The following ANO10 variants were observed in gnomAD, a reference collection of about 807,000 sequenced individuals.
ANO10 encodes the protein anoctamin-10.
ANO10 carries 77 observed loss-of-function variants against 74.7 expected under a neutral mutation model. The ratio of observed to expected loss-of-function variants is 1.03; its 90% CI spans 0.86 to 1.25. The LOEUF (loss-of-function observed/expected upper bound fraction) is 1.25, where lower values mean the gene tolerates loss of function less well. Ranked by LOEUF, ANO10 falls within the 50% of genes most tolerant of loss-of-function variation. The pLI, the probability that ANO10 is intolerant of heterozygous loss-of-function variation, is 0.00. For missense variants in ANO10, 721 were observed against 778.1 expected, an observed-to-expected ratio of 0.93 and a Z score of 0.87; for synonymous variants, 279 against 284.9, an observed-to-expected ratio of 0.98 and a Z score of 0.21.
At chr3:43,485,159 G>A (rs1004412285) in intron 11 of ANO10, 6 of 749,274 alleles carry the variant, frequency 8.0e-6, no homozygotes, top group South Asian at 5.9e-5. Context: ...GGGCCCTGGC[G>A]CGGTAGCACT....
chr3:43,394,224 C>T (rs970270067), intron 12 of ANO10, among the ~76,000 whole-genome samples: 1 of 152,032 alleles, frequency 6.6e-6, no homozygotes, highest in Non-Finnish European at 1.5e-5. Flanking sequence ...TGGTCCCTAC[C>T]CCCAGGCATC....
chr3:43,435,373 G>A (rs1469378574), intron 11 of ANO10, among the ~76,000 whole-genome samples: 1 of 152,192 alleles, frequency 6.6e-6, no homozygotes, highest in Admixed American at 6.5e-5. Context: ...GCCAGGCATG[G>A]TGGCAGACAT....
At chr3:43,526,324 T>C (rs189845159) in intron 11 of ANO10, among the ~76,000 whole-genome samples, 1 of 152,346 alleles carries the variant, frequency 6.6e-6, no homozygotes, top group African/African-American at 2.4e-5. Flanking sequence ...TGGATTTAGA[T>C]ATGCAACATG....
At chr3:43,391,833 G>A (rs1465478891) in intron 12 of ANO10, among the ~76,000 whole-genome samples, 1 of 152,162 alleles carries the variant, frequency 6.6e-6, no homozygotes, top group African/African-American at 2.4e-5. Flanking sequence ...GGCCTTGAGA[G>A]AGATCCTGAG....
chr3:43,561,210 T>C lies in ANO10; in HGVS notation c.1476+10A>G, dbSNP rs759959306. ...CAGTAAATGTTTAATTCAGCAATAT[T>C]CCAACTTACCAAATAAGTTCCCATT... is the stretch of plus-strand genomic sequence containing the variant. On this transcript the variant is annotated intron_variant, in intron 9 of 12. Coordinates refer to ENST00000292246, the MANE Select transcript of ANO10 (RefSeq NM_018075.5). 2 of 1,613,740 alleles carry C rather than the reference T, an allele frequency of 1.2e-6. No individual in the cohort carries two copies. The highest frequency in any genetic ancestry group is 3.3e-5 in the Admixed American group (2 of 60,016).
intron 11 of ANO10, among the ~76,000 whole-genome samples, chr3:43,526,392 C>T (rs2078198040): frequency 6.6e-6 from 1 of 152,156 alleles, no homozygotes. Flanking sequence ...TGGCTCTCTG[C>T]CAGCCACGGA....
intron 11 of ANO10, among the ~76,000 whole-genome samples, chr3:43,527,113 A>G (rs1009623204): frequency 3.3e-5 from 5 of 151,970 alleles, no homozygotes; most frequent in African/African-American, 1.2e-4. Flanking sequence ...GATTTAAATC[A>G]TAGATTTATG....
chr3:43,366,889 C>T lies in ANO10; in HGVS notation c.*17G>A. On this transcript the variant is annotated 3_prime_UTR_variant, in exon 13 of 13. Transcript: ENST00000292246. Reference sequence around the variant, plus strand: ...ACACAGGCCTCTGCCAACAGGGCAGCTGGGCACGCTGGGCACTCAGGTTGC... The same window carrying T: ...ACACAGGCCTCTGCCAACAGGGCAGTTGGGCACGCTGGGCACTCAGGTTGC... 6.4e-7 allele frequency: 1 copy of T among 1,573,434 alleles called. No individual in the cohort carries two copies. Among genetic ancestry groups the T allele is most frequent in the Non-Finnish European group, 8.6e-7 (1 of 1,159,060 alleles).
intron 12 of ANO10, among the ~76,000 whole-genome samples, chr3:43,413,407 C>T (rs1389302544): frequency 1.3e-5 from 2 of 151,912 alleles, no homozygotes; most frequent in African/African-American, 4.8e-5. Flanking sequence ...CCTAATGGCT[C>T]GGTGCTGTCC....
chr3:43,682,820 C>G (rs547070936), intron 1 of ANO10, among the ~76,000 whole-genome samples: 1 of 152,100 alleles, frequency 6.6e-6, no homozygotes, highest in Non-Finnish European at 1.5e-5. Flanking sequence ...ACAGAACCAA[C>G]GACAAAAAAC....
At chr3:43,515,871 A>G (rs1192837472) in intron 11 of ANO10, among the ~76,000 whole-genome samples, 1 of 152,168 alleles carries the variant, frequency 6.6e-6, no homozygotes, top group African/African-American at 2.4e-5. Flanking sequence ...TACCCTGACT[A>G]TCTTCCCTCA....
In ANO10 at chr3:43,496,147, C is replaced by T. The variant is rs372868250; in HGVS notation, c.1797+53573G>A. ...CTCTTTGATCCAGCAATCCTGCTTT[C>T]AGGAATATATACTCTATTGAAAAAG... On this transcript the variant is annotated intron_variant, in intron 11 of 12. Transcript: ENST00000292246. Among the ~76,000 whole-genome samples, 27 of 152,208 alleles carry T rather than the reference C, an allele frequency of 1.8e-4. 1 individual carries two copies. Among genetic ancestry groups the T allele is most frequent in the East Asian group, 7.7e-4 (4 of 5,166 alleles).
intron 1 of ANO10, among the ~76,000 whole-genome samples, chr3:43,667,108 TGAGACA>T (rs2084002321): frequency 7.1e-6 from 1 of 141,662 alleles, no homozygotes; most frequent in Non-Finnish European, 1.5e-5. Flanking sequence ...TGTCTTTTCT[TGAGACA>T]GAGTCTCGCT....
At chr3:43,422,103 CT>C (rs2092828170) in intron 12 of ANO10, among the ~76,000 whole-genome samples, 1 of 152,060 alleles carries the variant, frequency 6.6e-6, no homozygotes, top group African/African-American at 2.4e-5. Context: ...AAGAATACAT[CT>C]TTTTTGTTGT....
chr3:43,423,789 G>A (rs1322852029), intron 12 of ANO10, among the ~76,000 whole-genome samples: 1 of 150,382 alleles, frequency 6.6e-6, no homozygotes, highest in African/African-American at 2.4e-5. Context: ...GTGGAGAGCT[G>A]TTCTGAAGAG....
At chr3:43,520,550 T>C (rs2077907251) in intron 11 of ANO10, among the ~76,000 whole-genome samples, 1 of 152,208 alleles carries the variant, frequency 6.6e-6, no homozygotes, top group Non-Finnish European at 1.5e-5. Flanking sequence ...GTGGAACTCT[T>C]GTTGAAAATC....
At chr3:43,552,057 T>C (rs754388907) in intron 10 of ANO10, among the ~76,000 whole-genome samples, 57 of 152,366 alleles carry the variant, frequency 3.7e-4, no homozygotes, top group Non-Finnish European at 7.1e-4. Context: ...AATTCCATTT[T>C]GGTTTATCTA....
At chr3:43,621,119 G>C (rs937679900) in intron 1 of ANO10, among the ~76,000 whole-genome samples, 1 of 152,174 alleles carries the variant, frequency 6.6e-6, no homozygotes, top group South Asian at 2.1e-4. Flanking sequence ...TCTTGAGTCT[G>C]AATAAACCTC....
rs143065421 is a variant in ANO10 at position 43,598,571 on chromosome 3, C to T, written c.433G>A (p.Gly145Ser). ...GGATACAACTTTGCCTGAGGGTAAC[C>T]AGGGATCATTTTTTCATCTTTAGCT... is the stretch of plus-strand genomic sequence containing the variant. ...LRAKDEKMIP[G>S]YPQAKLYPGK... is the part of the protein sequence containing the mutation. The change falls in exon 4 of 13, where the codon GGT becomes AGT. Residue 145 changes from glycine to serine, a missense_variant. Coordinates refer to ENST00000292246, the MANE Select transcript of ANO10 (RefSeq NM_018075.5). 13 of 1,612,968 alleles carry T rather than the reference C, an allele frequency of 8.1e-6. No homozygotes were observed. In the African/African-American group the frequency reaches 1.3e-4, roughly 17 times the overall value.
Sources: gnomAD v4.1 joint callset for allele counts (sites outside exome capture counted in the v4.1 genomes callset) on GRCh38, gnomAD v4.1.1 for gene constraint, MANE v1.5 for transcripts, NCBI Gene and HGNC (gene_info 2026-07-23, HGNC 2026-07-21) for gene names.